CDC42BPA: variants seen among roughly 807,000 people sequenced by gnomAD.
The protein encoded by CDC42BPA is CDC42 binding protein kinase alpha, also known as serine/threonine-protein kinase MRCK alpha.
A neutral mutation model predicts 223.5 loss-of-function variants in CDC42BPA; 80 were observed. That is an observed-to-expected ratio of 0.36 (90% confidence interval 0.30 to 0.43). The LOEUF (loss-of-function observed/expected upper bound fraction) is 0.43. Ranked by LOEUF, CDC42BPA falls within the 20% of genes least tolerant of loss-of-function variation. The pLI, the probability that CDC42BPA is intolerant of heterozygous loss-of-function variation, is 1.00. For synonymous variants in CDC42BPA, 694 were observed against 718.6 expected (o/e 0.97, Z 0.55); for missense variants, 1,743 against 2,099.9 (o/e 0.83, Z 3.32).
intron 10 of CDC42BPA, among the ~76,000 whole-genome samples, chr1:227,131,277 G>A (rs1657054235): frequency 6.6e-6 from 1 of 152,136 alleles, no homozygotes; most frequent in Non-Finnish European, 1.5e-5. Flanking sequence ...AGGCTACAGT[G>A]TGCACATGTA....
At chr1:227,181,894 G>A (rs1198111985) in intron 5 of CDC42BPA, among the ~76,000 whole-genome samples, 1 of 152,104 alleles carries the variant, frequency 6.6e-6, no homozygotes, top group Admixed American at 6.5e-5. Context: ...ATAAAAGCAG[G>A]CAATACCCTA....
At chr1:227,245,138 C>T (rs1680686542) in intron 2 of CDC42BPA, among the ~76,000 whole-genome samples, 1 of 152,126 alleles carries the variant, frequency 6.6e-6, no homozygotes. Context: ...GTGCTTAGAG[C>T]CAGTGAACTA....
At chr1:227,238,038 C>CAAAAAAA (rs35731369) in intron 2 of CDC42BPA, among the ~76,000 whole-genome samples, 1 of 91,296 alleles carries the variant, frequency 1.1e-5, no homozygotes, top group Non-Finnish European at 2.0e-5. Context: ...AACTCTGTCT[C>CAAAAAAA]AAAAAAAAAA....
rs148168017 is a variant in CDC42BPA at position 227,100,201 on chromosome 1, C to T, written c.2249+791G>A. Among the ~76,000 whole-genome samples, 111 of 152,234 alleles carry T rather than the reference C, an allele frequency of 7.3e-4. No individual in the cohort carries two copies. In the East Asian group the frequency reaches 0.018, roughly 25 times the overall value. On this transcript the variant is annotated intron_variant, in intron 15 of 36. Coordinates refer to ENST00000366766, the MANE Select transcript of CDC42BPA (RefSeq NM_001394014.1). ...TATCTTCTTAGTAGATGGAATCCAT[C>T]CACTTCTCTCCATCTTCACTATCAC...
intron 5 of CDC42BPA, among the ~76,000 whole-genome samples, chr1:227,187,198 A>G (rs940757887): frequency 3.3e-5 from 5 of 152,210 alleles, no homozygotes; most frequent in Non-Finnish European, 5.9e-5. Flanking sequence ...AGACATCAGA[A>G]TGAGAGTCAG....
intron 6 of CDC42BPA, among the ~76,000 whole-genome samples, chr1:227,155,771 C>G (rs550360047): frequency 1.3e-5 from 2 of 152,170 alleles, no homozygotes; most frequent in South Asian, 2.1e-4. Context: ...TATGACACGA[C>G]GATGAGTATT....
At chr1:227,088,716 T>A (rs960731493) in intron 16 of CDC42BPA, among the ~76,000 whole-genome samples, 1 of 152,150 alleles carries the variant, frequency 6.6e-6, no homozygotes, top group African/African-American at 2.4e-5. Context: ...GCTAATTATA[T>A]TTGCAATGAT....
At chr1:227,010,497 G>GTAT (rs1311607067) in intron 34 of CDC42BPA, among the ~76,000 whole-genome samples, 1 of 152,148 alleles carries the variant, frequency 6.6e-6, no homozygotes, top group Non-Finnish European at 1.5e-5. Context: ...AATTGAACTG[G>GTAT]TTATAGGGTA....
intron 16 of CDC42BPA, among the ~76,000 whole-genome samples, chr1:227,083,460 C>G (rs1238345010): frequency 6.6e-6 from 1 of 152,140 alleles, no homozygotes; most frequent in Non-Finnish European, 1.5e-5. Context: ...ACAAATCACA[C>G]GATTAAAGTC....
At chr1:227,167,075 T>C (rs1665171008) in intron 5 of CDC42BPA, among the ~76,000 whole-genome samples, 1 of 152,194 alleles carries the variant, frequency 6.6e-6, no homozygotes. Context: ...ATTTGATCAC[T>C]GAGCTAAGAT....
chr1:227,060,035 T>A (rs1037802713), intron 21 of CDC42BPA, among the ~76,000 whole-genome samples: 6 of 142,724 alleles, frequency 4.2e-5, no homozygotes, highest in South Asian at 2.3e-4. Flanking sequence ...TTTTTGTTTT[T>A]TTTTTTTTTT....
chr1:227,112,226 C>T (rs891701497), intron 14 of CDC42BPA, 86 bp downstream of exon 14: 17 of 648,402 alleles, frequency 2.6e-5, no homozygotes, highest in Admixed American at 1.4e-4. Context: ...CACTGCACAC[C>T]GAATACAGTA....
At chr1:227,151,079 G>A (rs1661663757) in intron 6 of CDC42BPA, among the ~76,000 whole-genome samples, 1 of 152,006 alleles carries the variant, frequency 6.6e-6, no homozygotes, top group South Asian at 2.1e-4. Context: ...ACACTGTTGT[G>A]CAACCAGTCC....
At chr1:227,162,812 G>A (rs929138349) in intron 5 of CDC42BPA, among the ~76,000 whole-genome samples, 2 of 151,556 alleles carry the variant, frequency 1.3e-5, no homozygotes, top group African/African-American at 4.9e-5. Flanking sequence ...CTCCAGCCTG[G>A]GTGATGGAAT....
chr1:227,074,345 C>T lies in CDC42BPA; in HGVS notation c.2500G>A (p.Ala834Thr), dbSNP rs1455800847. 1.9e-6 allele frequency: 3 copies of T among 1,612,796 alleles called. No individual in the cohort carries two copies. The highest frequency in any genetic ancestry group is 1.1e-5 in the South Asian group (1 of 90,972). The change falls in exon 18 of 37, where the codon GCA becomes ACA. Residue 834 changes from alanine (A) to threonine (T), a missense_variant. This residue lies in a region of CDC42BPA where 464 missense variants were observed against 488.0 expected (regional missense o/e 0.95). Transcript: ENST00000366766. ...GCTAAGGCCTGAAGATACCCTCGTGCATCCTTTTCATCGCTGACCCTAGAA... is the reference window on the plus strand; with the variant it reads ...GCTAAGGCCTGAAGATACCCTCGTGTATCCTTTTCATCGCTGACCCTAGAA... The part of the protein sequence containing the change: ...IIQWVSDEKD[A>T]RGYLQALASK...
chr1:227,122,641 G>A (rs1688845921), intron 11 of CDC42BPA, among the ~76,000 whole-genome samples: 1 of 152,168 alleles, frequency 6.6e-6, no homozygotes, highest in African/African-American at 2.4e-5. Context: ...TTAAACAACA[G>A]TATGTGAATT....
intron 5 of CDC42BPA, among the ~76,000 whole-genome samples, chr1:227,180,232 G>T (rs73088692): frequency 0.032 from 4,797 of 151,690 alleles, 229 homozygotes; most frequent in African/African-American, 0.11. Context: ...CAATCAATCT[G>T]CCTTTGAAGG....
At chr1:227,154,754 G>T (rs568304018) in intron 6 of CDC42BPA, among the ~76,000 whole-genome samples, 1 of 152,138 alleles carries the variant, frequency 6.6e-6, no homozygotes, top group African/African-American at 2.4e-5. Flanking sequence ...AACATTCATA[G>T]ATGAGAAGAT....
intron 10 of CDC42BPA, among the ~76,000 whole-genome samples, chr1:227,137,313 A>G (rs10458378): frequency 0.72 from 108,636 of 151,748 alleles, 39,093 homozygotes; most frequent in South Asian, 0.86. Flanking sequence ...ATCATGGCAG[A>G]ACATCACTAT....
Sources: gnomAD v4.1 joint callset for allele counts (sites outside exome capture counted in the v4.1 genomes callset) on GRCh38, gnomAD v4.1.1 for gene constraint, gnomAD v4.1.1 regional missense constraint, MANE v1.5 for transcripts, NCBI Gene and HGNC (gene_info 2026-07-23, HGNC 2026-07-21) for gene names.